Variants in ZPLD1 observed in about 807,000 individuals in gnomAD.
ZPLD1 encodes the protein zona pellucida-like domain-containing protein 1.
Under a neutral mutation model 47.2 loss-of-function variants are expected in ZPLD1, and 34 were observed. The observed-to-expected ratio is 0.72, with a 90% CI of 0.55 to 0.96. The LOEUF (loss-of-function observed/expected upper bound fraction) is 0.96. Ranked by LOEUF, ZPLD1 falls within the 40% of genes least tolerant of loss-of-function variation. ZPLD1 has a pLI of 0.00. For synonymous variants in ZPLD1, 176 were observed against 186.2 expected (o/e 0.95, Z 0.45); for missense variants, 512 against 505.8 (o/e 1.01, Z -0.12).
At chr3:102,451,868 GT>G (rs1174576238) in intron 3 of ZPLD1, among the ~76,000 whole-genome samples, 3 of 152,024 alleles carry the variant, frequency 2.0e-5, no homozygotes, top group Non-Finnish European at 4.4e-5. Flanking sequence ...TTTTACCCCA[GT>G]ATTACCTCAT....
At chr3:102,430,001 T>C (rs1471340071) in intron 8 of ZPLD1, among the ~76,000 whole-genome samples, 1 of 152,160 alleles carries the variant, frequency 6.6e-6, no homozygotes, top group Non-Finnish European at 1.5e-5. Context: ...ATTTTAAATA[T>C]GTTTACTTTA....
Position 102,392,539 on chromosome 3 carries a change from C to T in ZPLD1, c.-157+314C>T, listed in dbSNP as rs576461376. Among the ~76,000 whole-genome samples the T allele has an allele frequency of 3.3e-5, 5 of 149,270 alleles. No individual in the cohort carries two copies. In the South Asian group the frequency reaches 1.1e-3, roughly 31 times the overall value. ...TCCTTCCTTCCTTCCTTCCTTCCTC[C>T]CTCCCTCCCTTCCTTCCTCCTTCCT... On this transcript the variant is annotated intron_variant, in intron 7 of 17. Coordinates refer to the ZPLD1 transcript ENST00000491959.
chr3:102,428,776 C>G (rs1370400841), intron 8 of ZPLD1, among the ~76,000 whole-genome samples: 4 of 149,110 alleles, frequency 2.7e-5, no homozygotes, highest in African/African-American at 9.9e-5. Context: ...TATATAAAAC[C>G]TTGGTAGCAT....
intron 6 of ZPLD1, among the ~76,000 whole-genome samples, chr3:102,387,788 T>C (rs1706447054): frequency 6.6e-6 from 1 of 151,912 alleles, no homozygotes; most frequent in African/African-American, 2.4e-5. Flanking sequence ...TTTCATTAAT[T>C]ATCCTAAGCA....
chr3:102,460,078 C>T (rs943029710), intron 6 of ZPLD1, among the ~76,000 whole-genome samples: 1 of 151,962 alleles, frequency 6.6e-6, no homozygotes, highest in African/African-American at 2.4e-5. Context: ...TTTTGATATA[C>T]TTTCATTAGT....
Position 102,477,725 on chromosome 3 carries a change from A to G in ZPLD1, c.*107A>G. 9.0e-7 allele frequency: 1 copy of G among 1,105,058 alleles called. No individual in the cohort carries two copies. The highest frequency in any genetic ancestry group is 1.3e-6 in the Non-Finnish European group (1 of 791,212). The allele number at this position is 1,105,058 out of a possible 1,614,324, so 68.5% of individuals were successfully genotyped here. A position where few individuals can be genotyped will look rare whatever the true frequency, so the allele number is the denominator to read the frequency against. ...ATGTCAGTCCACATTCAATATTTGT[A>G]GGTTTGATAAATTTCACAGTATAGC... On this transcript the variant is annotated 3_prime_UTR_variant, in exon 12 of 12. Transcript: ENST00000466937.
At chr3:102,404,274 T>C (rs1706656513) in intron 7 of ZPLD1, among the ~76,000 whole-genome samples, 1 of 151,960 alleles carries the variant, frequency 6.6e-6, no homozygotes, top group Non-Finnish European at 1.5e-5. Flanking sequence ...AATAAGAGGA[T>C]ATACATTACT....
Position 102,469,055 on chromosome 3 carries a change from A to G in ZPLD1, c.853A>G (p.Lys285Glu). 1 of 1,614,198 alleles carries G rather than the reference A, an allele frequency of 6.2e-7. No homozygotes were observed. Reference protein sequence around the residue: ...SFEVFRFVKHKNQKMSTVFLH... With the variant: ...SFEVFRFVKHENQKMSTVFLH... ...TGAAGTGTTCCGATTTGTGAAACAC[A>G]AGAATCAGAAAATGTCCACTGTCTT... The change falls in exon 9 of 12, where the codon AAG (lysine) becomes GAG (glutamate). Residue 285 changes from lysine (K) to glutamate (E), a missense_variant. Coordinates refer to ENST00000466937, the MANE Select transcript of ZPLD1 (RefSeq NM_001329788.2).
upstream of ZPLD1, chr3:102,434,980 C>G: frequency 1.4e-5 from 13 of 917,258 alleles, no homozygotes; most frequent in Non-Finnish European, 2.0e-5. Flanking sequence ...ATCTAGGGAG[C>G]CTGAGCAGCC....
chr3:102,435,285 TGC>T, intron 1 of ZPLD1, 131 bp downstream of exon 1: 1 of 970,008 alleles, frequency 1.0e-6, no homozygotes, highest in South Asian at 1.4e-5. Context: ...ATAGGGATAC[TGC>T]CTTTATAAGA....
intron 3 of ZPLD1, among the ~76,000 whole-genome samples, chr3:102,442,947 G>C (rs2107324812): frequency 6.6e-6 from 1 of 152,260 alleles, no homozygotes; most frequent in Non-Finnish European, 1.5e-5. Context: ...GATGATTCTA[G>C]AATAAAACTC....
chr3:102,443,938 T>G (rs761080223), intron 3 of ZPLD1, among the ~76,000 whole-genome samples: 1 of 152,222 alleles, frequency 6.6e-6, no homozygotes, highest in Non-Finnish European at 1.5e-5. Flanking sequence ...CTTTCCACTT[T>G]GCACCTGTGA....
In ZPLD1 at chr3:102,470,431, G is replaced by A. The variant is rs1707662490; in HGVS notation, c.971G>A (p.Arg324Lys). The change falls in exon 10 of 12, where the codon AGG becomes AAG. Residue 324 changes from arginine (R) to lysine (K), a missense_variant. Physicochemically the swap from Arg to Lys is conservative, Grantham distance 26 (BLOSUM62 2). Coordinates refer to ENST00000466937, the MANE Select transcript of ZPLD1 (RefSeq NM_001329788.2). Reference protein sequence around the residue: ...SHRERRDAGRRTTWSPQSSSG... With the variant: ...SHRERRDAGRKTTWSPQSSSG... ...AGAGAAAGGAGAGATGCTGGGAGGA[G>A]GACGACTTGGAGCCCCCAGAGCTCT... The A allele has an allele frequency of 1.9e-6, 3 of 1,614,064 alleles. No homozygotes were observed. The highest frequency in any genetic ancestry group is 1.1e-5 in the South Asian group (1 of 91,056).
intron 7 of ZPLD1, among the ~76,000 whole-genome samples, chr3:102,396,399 G>A (rs1161891619): frequency 2.0e-5 from 3 of 152,146 alleles, no homozygotes; most frequent in African/African-American, 4.8e-5. Flanking sequence ...CCAACGCACC[G>A]AACTCAGACA....
chr3:102,468,423 T>C (rs1707631014), intron 8 of ZPLD1, among the ~76,000 whole-genome samples: 1 of 152,162 alleles, frequency 6.6e-6, no homozygotes, highest in Non-Finnish European at 1.5e-5. Context: ...CTCTGAAACA[T>C]GTCCATGATG....
At chr3:102,400,106 A>G (rs1046330393) in intron 7 of ZPLD1, among the ~76,000 whole-genome samples, 40 of 152,048 alleles carry the variant, frequency 2.6e-4, no homozygotes, top group African/African-American at 9.2e-4. Flanking sequence ...GGAGTGAGCC[A>G]CCACGCCTGG....
chr3:102,451,052 T>G (rs1707329992), intron 3 of ZPLD1, among the ~76,000 whole-genome samples: 1 of 152,202 alleles, frequency 6.6e-6, no homozygotes, highest in Non-Finnish European at 1.5e-5. Flanking sequence ...GCCGTTTGCC[T>G]TTTGGCCATG....
At chr3:102,422,959 T>C (rs1706898158) in intron 8 of ZPLD1, among the ~76,000 whole-genome samples, 2 of 152,048 alleles carry the variant, frequency 1.3e-5, no homozygotes, top group African/African-American at 4.8e-5. Context: ...TGAAATGTCA[T>C]GGTTATTTAA....
intron 7 of ZPLD1, among the ~76,000 whole-genome samples, chr3:102,463,885 A>AC: frequency 1.1e-5 from 1 of 92,804 alleles, no homozygotes; most frequent in Middle Eastern, 6.3e-3. Context: ...TAAAAATACA[A>AC]AAAAAAAAAA....
Sources: gnomAD v4.1 joint callset for allele counts (sites outside exome capture counted in the v4.1 genomes callset) on GRCh38, gnomAD v4.1.1 for gene constraint, MANE v1.5 for transcripts, NCBI Gene and HGNC (gene_info 2026-07-23, HGNC 2026-07-21) for gene names.